The following FRMPD4 variants were observed in gnomAD, a reference collection of about 807,000 sequenced individuals.
FRMPD4 encodes FERM and PDZ domain containing 4, also known as FERM and PDZ domain-containing protein 4.
FRMPD4 carries 22 observed loss-of-function variants against 94.1 expected under a neutral mutation model. The observed-to-expected ratio is 0.23, with a 90% CI of 0.17 to 0.33. The LOEUF is 0.33. Among genes scored for constraint, FRMPD4 ranks in the 10% least tolerant of loss-of-function variants. The probability of loss-of-function intolerance (pLI) is 1.00; values close to 1 mark genes in which losing one functional copy is unlikely to be tolerated. For synonymous variants in FRMPD4, 631 were observed against 548.6 expected (o/e 1.15, Z -2.10); for missense variants, 1,111 against 1,339.9 (o/e 0.83, Z 2.67).
At position 12,553,466 on chromosome X, in the gene FRMPD4, A is replaced by ATATATATATATC. The variant is rs368999462; in HGVS notation, c.158+54671_158+54672insATATATATATCT. On this transcript the variant is annotated intron_variant, in intron 2 of 16. Transcript: ENST00000675598. Reference sequence around the variant, plus strand: ...TATATATATATATATATATATATATATCTAATCCACTAATTTATTTGCAAC... The same window carrying ATATATATATATC: ...TATATATATATATATATATATATATATATATATATATCTCTAATCCACTAATTTATTTGCAAC... Among the ~76,000 whole-genome samples the ATATATATATATC allele has an allele frequency of 8.2e-3, 640 of 77,701 alleles. 10 individuals carry two copies. The highest frequency in any genetic ancestry group is 0.018 in the African/African-American group (333 of 18,736). 67.5% of individuals were successfully genotyped at this position (77,701 alleles called of 115,157 possible).
chrX:11,838,589 A>T (rs1191920408), intron 1 of FRMPD4, among the ~76,000 whole-genome samples: 2 of 110,743 alleles, frequency 1.8e-5, no homozygotes, highest in East Asian at 5.7e-4. Flanking sequence ...TTTTTCCATT[A>T]CCCCCAAAAT....
At chrX:12,583,520 T>C (rs2058890426) in intron 2 of FRMPD4, 4 of 1,085,045 alleles carry the variant, frequency 3.7e-6, no homozygotes, top group Middle Eastern at 5.0e-4. Context: ...GCCGGGAGCG[T>C]TCCCATATTA....
At chrX:11,958,541 T>G (rs1267517639) in intron 3 of FRMPD4, among the ~76,000 whole-genome samples, 1 of 111,625 alleles carries the variant, frequency 9.0e-6, no homozygotes, top group East Asian at 2.8e-4. Flanking sequence ...ACTGGCCTGT[T>G]TGGGGATTTG....
chrX:12,089,904 A>ACC (rs2055140419), intron 3 of FRMPD4, among the ~76,000 whole-genome samples: 1 of 111,766 alleles, frequency 8.9e-6, no homozygotes, highest in African/African-American at 3.3e-5. Flanking sequence ...AAACCAGGCA[A>ACC]CCACCTGAGT....
chrX:11,971,779 T>C (rs1274528614), intron 3 of FRMPD4, among the ~76,000 whole-genome samples: 1 of 112,284 alleles, frequency 8.9e-6, no homozygotes, highest in Non-Finnish European at 1.9e-5. Flanking sequence ...CTATTTTAGG[T>C]ACCCCTAAGA....
chrX:12,601,554 G>A (rs985749340), intron 2 of FRMPD4, among the ~76,000 whole-genome samples: 7 of 111,388 alleles, frequency 6.3e-5, no homozygotes, highest in Non-Finnish European at 7.5e-5. Context: ...TCCCATCTTC[G>A]TTCCAACAAA....
chrX:12,711,770 C>G (rs775628750), intron 14 of FRMPD4, among the ~76,000 whole-genome samples: 1 of 109,002 alleles, frequency 9.2e-6, no homozygotes, highest in African/African-American at 3.4e-5. Context: ...CCCTGCCCCC[C>G]GCCCCAAGTC....
chrX:12,069,677 G>A (rs770344617), intron 3 of FRMPD4, among the ~76,000 whole-genome samples: 170 of 111,802 alleles, frequency 1.5e-3, no homozygotes, highest in Middle Eastern at 0.014. Flanking sequence ...AAGGAAGAGG[G>A]CTGGGCCCAG....
At chrX:12,445,410 G>C (rs767891335) in intron 1 of FRMPD4, among the ~76,000 whole-genome samples, 27 of 112,236 alleles carry the variant, frequency 2.4e-4, no homozygotes, top group Middle Eastern at 4.6e-3. Context: ...AATTGTGGAA[G>C]AACTCCACCT....
intron 1 of FRMPD4, among the ~76,000 whole-genome samples, chrX:12,415,179 A>G (rs2056784126): frequency 9.0e-6 from 1 of 111,514 alleles, no homozygotes. Flanking sequence ...AACATTATTG[A>G]TTCTTAGTTG....
intron 3 of FRMPD4, among the ~76,000 whole-genome samples, chrX:11,955,284 C>T (rs970680586): frequency 9.1e-6 from 1 of 109,974 alleles, no homozygotes; most frequent in Admixed American, 9.8e-5. Context: ...TGGGTGGGTG[C>T]GTGGGGGGAC....
In FRMPD4 at chrX:12,499,352, G is replaced by A. The variant is rs775181559; in HGVS notation, c.158+556G>A. Among the ~76,000 whole-genome samples, 12 of 112,118 alleles carry A rather than the reference G, an allele frequency of 1.1e-4. No individual in the cohort carries two copies. The East Asian group carries it at 2.2e-3, about 21-fold the overall frequency. ...GTTAATTGTGGTATAGAGAGAGAGAGAAAAAGAGAGAAAGATAACATGAAA... is the reference window on the plus strand; with the variant it reads ...GTTAATTGTGGTATAGAGAGAGAGAAAAAAAGAGAGAAAGATAACATGAAA... On this transcript the variant is annotated intron_variant, in intron 2 of 16. Coordinates refer to ENST00000675598, the MANE Select transcript of FRMPD4 (RefSeq NM_001368397.1).
At chrX:12,009,152 CCA>C (rs2054569011) in intron 3 of FRMPD4, among the ~76,000 whole-genome samples, 1 of 111,898 alleles carries the variant, frequency 8.9e-6, no homozygotes, top group Non-Finnish European at 1.9e-5. Context: ...TGTGTTCTCA[CCA>C]CACACAAAAA....
intron 3 of FRMPD4, among the ~76,000 whole-genome samples, chrX:12,107,670 T>A (rs765965849): frequency 4.1e-4 from 46 of 111,351 alleles, no homozygotes; most frequent in African/African-American, 1.4e-3. Context: ...AGATGAAACC[T>A]TGAAAAAAGA....
At chrX:12,056,221 A>T (rs1409920850) in intron 3 of FRMPD4, among the ~76,000 whole-genome samples, 4 of 112,147 alleles carry the variant, frequency 3.6e-5, no homozygotes, top group Non-Finnish European at 7.5e-5. Context: ...GAGAAAAGGC[A>T]TACAAATTTA....
chrX:12,416,925 A>G (rs1267424312), intron 1 of FRMPD4, among the ~76,000 whole-genome samples: 1 of 111,750 alleles, frequency 8.9e-6, no homozygotes, highest in East Asian at 2.8e-4. Context: ...GTATTCTCTC[A>G]TCTTTGCTTA....
At chrX:12,108,988 C>T (rs1042409353) in intron 3 of FRMPD4, among the ~76,000 whole-genome samples, 1 of 111,160 alleles carries the variant, frequency 9.0e-6, no homozygotes, top group African/African-American at 3.3e-5. Context: ...ACCTTAACAC[C>T]CCACTGTCAA....
At chrX:12,156,043 C>G (rs1053709603) in intron 1 of FRMPD4, among the ~76,000 whole-genome samples, 8 of 111,722 alleles carry the variant, frequency 7.2e-5, no homozygotes, top group Non-Finnish European at 1.1e-4. Context: ...TTAAGAGTCC[C>G]AGTGATTCTC....
At chrX:12,028,663 G>A (rs1288004762) in intron 3 of FRMPD4, among the ~76,000 whole-genome samples, 2 of 110,585 alleles carry the variant, frequency 1.8e-5, no homozygotes, top group Non-Finnish European at 3.8e-5. Context: ...CCCAACTCCT[G>A]AGAACCACTG....
Sources: allele counts gnomAD v4.1 joint callset (sites outside exome capture counted in the v4.1 genomes callset), GRCh38; gene constraint gnomAD v4.1.1; transcripts MANE v1.5; gene names NCBI Gene and HGNC (gene_info 2026-07-23, HGNC 2026-07-21).